ACADL: variants seen among roughly 807,000 people sequenced by gnomAD.
ACADL encodes the protein long-chain specific acyl-CoA dehydrogenase, mitochondrial.
In ACADL, 60 loss-of-function variants were observed where a neutral mutation model predicts 56.9. The ratio of observed to expected loss-of-function variants is 1.05; its 90% CI spans 0.86 to 1.31. The LOEUF (loss-of-function observed/expected upper bound fraction) is 1.31, where lower values mean the gene tolerates loss of function less well. ACADL is among the 50% of genes most tolerant of loss of function. ACADL has a pLI of 0.00. For synonymous variants in ACADL, 158 were observed against 179.7 expected (o/e 0.88, Z 0.97); for missense variants, 484 against 525.5 (o/e 0.92, Z 0.77).
In ACADL at chr2:210,188,165, CAT is replaced by C. The variant is rs1430359315; in HGVS notation, c.*794_*795del. ...TATTAACAGCCTGGTTTATAGAAGACATAAAGTAATTATTAAGTTAATAAATA... is the reference window on the plus strand; with the variant it reads ...TATTAACAGCCTGGTTTATAGAAGACAAAGTAATTATTAAGTTAATAAATA... On this transcript the variant is annotated 3_prime_UTR_variant, in exon 11 of 11. Transcript: ENST00000233710. 6.6e-6 allele frequency: 1 copy of C among 152,108 alleles called. No individual in the cohort carries two copies. The highest frequency in any genetic ancestry group is 1.5e-5 in the Non-Finnish European group (1 of 68,030). The allele number at this position is 152,108 out of a possible 1,614,324, so 9.4% of individuals were successfully genotyped here.
chr2:210,224,592 T>G, intron 1 of ACADL: 3 of 985,438 alleles, frequency 3.0e-6, no homozygotes, highest in Non-Finnish European at 3.6e-6. Context: ...TCCTCTGTAT[T>G]TAGTTAGATT....
chr2:210,188,923 G>T lies in ACADL; in HGVS notation c.*38C>A. ...TTTATCTTGAGCAGATTTAAAACGA[G>T]ATTAGCTGTAATAGGACTCCAGGAT... On this transcript the variant is annotated 3_prime_UTR_variant, in exon 11 of 11. Coordinates refer to ENST00000233710, the MANE Select transcript of ACADL (RefSeq NM_001608.4). 1 of 1,431,612 alleles carries T rather than the reference G, an allele frequency of 7.0e-7. No homozygotes were observed. Among genetic ancestry groups the T allele is most frequent in the South Asian group, 1.1e-5 (1 of 87,434 alleles). 88.7% of individuals were successfully genotyped at this position (1,431,612 alleles called of 1,614,324 possible).
In ACADL at chr2:210,217,974, C is replaced by T. The variant is rs1438209650; in HGVS notation, c.362G>A (p.Trp121Ter). ...AAGTCTCCATACTTACTGCTCCTCCCAGACAATAGCTGCGGAGTACAGATC... is the reference window on the plus strand; with the variant it reads ...AAGTCTCCATACTTACTGCTCCTCCTAGACAATAGCTGCGGAGTACAGATC... The part of the protein sequence containing the change: ...GGDLYSAAIV[W>*]EEQAYSNCSG... Residue 121 changes from tryptophan (W) to a stop codon, truncating the protein, a stop_gained, in exon 3 of 11, where the codon TGG (tryptophan) becomes TAG (stop). Transcript: ENST00000233710. LOFTEE classifies it high-confidence loss of function. The T allele has an allele frequency of 1.2e-6, 2 of 1,614,000 alleles. No individual in the cohort carries two copies. Among genetic ancestry groups the T allele is most frequent in the Non-Finnish European group, 1.7e-6 (2 of 1,179,968 alleles).
At chr2:210,211,778 T>C (rs1688984094) in intron 4 of ACADL, among the ~76,000 whole-genome samples, 2 of 151,920 alleles carry the variant, frequency 1.3e-5, no homozygotes, top group Non-Finnish European at 2.9e-5. Flanking sequence ...TTTATAGCAA[T>C]GCAAAAACTG....
At chr2:210,204,396 G>A (rs989293708) in intron 7 of ACADL, among the ~76,000 whole-genome samples, 185 bp downstream of exon 7, 20 of 152,184 alleles carry the variant, frequency 1.3e-4, no homozygotes, top group Admixed American at 6.5e-5. Flanking sequence ...ACTGAGTTCA[G>A]TTATTTACTT....
At chr2:210,224,291 G>T in intron 1 of ACADL, 19 of 308,684 alleles carry the variant, frequency 6.2e-5, no homozygotes, top group Non-Finnish European at 8.4e-5. Context: ...GAAGAGTTAA[G>T]TATGTATCCT....
At chr2:210,199,405 GCAA>G (rs1313408196) in intron 8 of ACADL, among the ~76,000 whole-genome samples, 1 of 151,990 alleles carries the variant, frequency 6.6e-6, no homozygotes, top group Non-Finnish European at 1.5e-5. Context: ...TTGAAAGAAG[GCAA>G]CAATAAAATG....
chr2:210,204,650 C>A lies in ACADL; in HGVS notation c.801G>T (p.Arg267=). 1 of 1,612,708 alleles carries A rather than the reference C, an allele frequency of 6.2e-7. No homozygotes were observed. The highest frequency in any genetic ancestry group is 8.5e-7 in the Non-Finnish European group (1 of 1,178,912). Residue 267 remains arginine, a synonymous_variant, in exon 7 of 11, where the codon CGG becomes CGT. Transcript: ENST00000233710. ...DTAELFFEDI[R]LPASALLGEE... is the part of the protein sequence containing the mutation. ...CTCCAAGTAGGGCACTAGCTGGCAA[C>A]CGTATATCTTCAAAGAATAGTTCTG...
chr2:210,198,645 C>G (rs1043763951), intron 8 of ACADL, among the ~76,000 whole-genome samples: 1 of 151,924 alleles, frequency 6.6e-6, no homozygotes, highest in African/African-American at 2.4e-5. Flanking sequence ...AGTGTAGGTT[C>G]TGGAATTAGA....
chr2:210,214,467 A>AAGAG (rs1689040346), intron 4 of ACADL, among the ~76,000 whole-genome samples: 23 of 122,336 alleles, frequency 1.9e-4, no homozygotes, highest in African/African-American at 6.9e-4. Context: ...GACCTTCCAA[A>AAGAG]AAAGAAAGAA....
intron 5 of ACADL, among the ~76,000 whole-genome samples, chr2:210,207,396 A>G (rs1296924203): frequency 6.6e-6 from 1 of 151,900 alleles, no homozygotes; most frequent in African/African-American, 2.4e-5. Context: ...ACTTTCCCCA[A>G]TTTCCTCTTC....
chr2:210,222,070 T>G (rs933513560), intron 1 of ACADL, among the ~76,000 whole-genome samples: 2 of 152,202 alleles, frequency 1.3e-5, no homozygotes, highest in African/African-American at 4.8e-5. Context: ...AGTATCATTT[T>G]TTTTGTGGCT....
intron 3 of ACADL, 100 bp downstream of exon 3, chr2:210,217,865 T>A: frequency 6.8e-7 from 1 of 1,478,354 alleles, no homozygotes; most frequent in Non-Finnish European, 9.4e-7. Flanking sequence ...CTTCCAAGAT[T>A]AGAAAACATT....
chr2:210,215,884 GTT>G (rs1466759526), intron 4 of ACADL, among the ~76,000 whole-genome samples: 1 of 152,078 alleles, frequency 6.6e-6, no homozygotes, highest in African/African-American at 2.4e-5. Flanking sequence ...GGCCACATCT[GTT>G]TTGTTCACTA....
chr2:210,209,760 C>T (rs191996357), intron 5 of ACADL: 2 of 157,886 alleles, frequency 1.3e-5, no homozygotes, highest in African/African-American at 4.8e-5. Flanking sequence ...CTTCAGCCTC[C>T]CAAAGTGCTG....
At chr2:210,224,038 C>G (rs535183970) in intron 1 of ACADL, among the ~76,000 whole-genome samples, 1 of 151,820 alleles carries the variant, frequency 6.6e-6, no homozygotes, top group African/African-American at 2.4e-5. Flanking sequence ...CCAGCCTGGT[C>G]AATATGGTGA....
intron 8 of ACADL, among the ~76,000 whole-genome samples, chr2:210,200,294 A>G (rs1308895975): frequency 6.6e-6 from 1 of 152,162 alleles, no homozygotes; most frequent in East Asian, 1.9e-4. Context: ...AAAGGAAAAA[A>G]TCATATATGT....
At chr2:210,214,119 T>C (rs966431030) in intron 4 of ACADL, among the ~76,000 whole-genome samples, 5 of 152,192 alleles carry the variant, frequency 3.3e-5, no homozygotes, top group Admixed American at 1.3e-4. Flanking sequence ...CTTTCCTCCA[T>C]GGAAGGGGAA....
At chr2:210,190,857 C>T (rs1383061164) in intron 10 of ACADL, among the ~76,000 whole-genome samples, 1 of 151,424 alleles carries the variant, frequency 6.6e-6, no homozygotes, top group African/African-American at 2.4e-5. Flanking sequence ...AAATCAAAAT[C>T]TATACATTAC....
Sources: gnomAD v4.1 joint callset for allele counts (sites outside exome capture counted in the v4.1 genomes callset) on GRCh38, gnomAD v4.1.1 for gene constraint, MANE v1.5 for transcripts, NCBI Gene and HGNC (gene_info 2026-07-23, HGNC 2026-07-21) for gene names.